The following PABPC4L variants were observed in gnomAD, a reference collection of about 807,000 sequenced individuals.
PABPC4L encodes polyadenylate-binding protein 4-like.
For missense variants in PABPC4L, 452 were observed against 451.4 expected (o/e 1.00, Z -0.01); for synonymous variants, 169 against 164.1 (o/e 1.03, Z -0.23).
the PABPC4L span, among the ~76,000 whole-genome samples, chr4:134,142,422 T>C: frequency 9.3e-4 from 141 of 151,740 alleles, 1 homozygote; most frequent in Admixed American, 7.5e-3. Flanking sequence ...GTGAAGAATA[T>C]GCATAAAAAT....
At chr4:134,036,163 A>G in the PABPC4L span, among the ~76,000 whole-genome samples, 1 of 152,114 alleles carries the variant, frequency 6.6e-6, no homozygotes, top group African/African-American at 2.4e-5. Flanking sequence ...AGATAATAAA[A>G]GTTTCTCAAT....
chr4:133,955,448 C>T, the PABPC4L span, among the ~76,000 whole-genome samples: 1 of 152,026 alleles, frequency 6.6e-6, no homozygotes, highest in African/African-American at 2.4e-5. Flanking sequence ...AAATTAAACA[C>T]TTAAGCTCTG....
At chr4:134,133,121 TA>T in the PABPC4L span, among the ~76,000 whole-genome samples, 44 of 16,490 alleles carry the variant, frequency 2.7e-3, no homozygotes, top group African/African-American at 0.027. Context: ...TATTATATAA[TA>T]TATCATATTA....
the PABPC4L span, among the ~76,000 whole-genome samples, chr4:134,113,385 TTATATCATA>T: frequency 2.0e-5 from 3 of 151,936 alleles, no homozygotes; most frequent in Admixed American, 1.3e-4. Context: ...ATTTTTTCTT[TTATATCATA>T]TTTTTACTCC....
At chr4:133,979,705 G>GT in the PABPC4L span, among the ~76,000 whole-genome samples, 1 of 152,052 alleles carries the variant, frequency 6.6e-6, no homozygotes, top group Non-Finnish European at 1.5e-5. Context: ...AAATCAATCA[G>GT]TTTTTTAGAG....
chr4:133,956,438 T>C, the PABPC4L span, among the ~76,000 whole-genome samples: 10 of 152,300 alleles, frequency 6.6e-5, no homozygotes, highest in East Asian at 1.9e-3. Context: ...GATGCTGTTT[T>C]TTTCTCTTTA....
At chr4:133,986,247 A>G in the PABPC4L span, among the ~76,000 whole-genome samples, 1 of 152,140 alleles carries the variant, frequency 6.6e-6, no homozygotes, top group Non-Finnish European at 1.5e-5. Flanking sequence ...TTTATAACAT[A>G]AACAACTTTT....
At chr4:134,140,721 T>C in the PABPC4L span, among the ~76,000 whole-genome samples, 1 of 151,838 alleles carries the variant, frequency 6.6e-6, no homozygotes, top group African/African-American at 2.4e-5. Context: ...AGATACAATA[T>C]GTATATGCTC....
the PABPC4L span, among the ~76,000 whole-genome samples, chr4:133,996,862 CATTGTCGACCCCCT>C: frequency 6.6e-6 from 1 of 151,928 alleles, no homozygotes; most frequent in Non-Finnish European, 1.5e-5. Context: ...AGGTAATTAA[CATTGTCGACCCCCT>C]AGTAGAGAGC....
chr4:134,110,780 C>T, the PABPC4L span, among the ~76,000 whole-genome samples: 5 of 151,876 alleles, frequency 3.3e-5, no homozygotes, highest in Non-Finnish European at 7.4e-5. Context: ...AATGTAAATG[C>T]TATGTAAATA....
At chr4:134,084,723 T>C in the PABPC4L span, among the ~76,000 whole-genome samples, 2 of 152,078 alleles carry the variant, frequency 1.3e-5, no homozygotes, top group Admixed American at 6.6e-5. Flanking sequence ...AAGACTGAAG[T>C]AATACACTTT....
At chr4:134,005,829 T>C in the PABPC4L span, among the ~76,000 whole-genome samples, 4 of 151,694 alleles carry the variant, frequency 2.6e-5, no homozygotes, top group South Asian at 4.2e-4. Flanking sequence ...GACATTTTAC[T>C]CGCCATCTGA....
chr4:134,174,664 G>A, the PABPC4L span, among the ~76,000 whole-genome samples: 1 of 152,064 alleles, frequency 6.6e-6, no homozygotes, highest in Non-Finnish European at 1.5e-5. Context: ...ATGCATGTGT[G>A]TATATATGTT....
At chr4:133,971,329 T>C in the PABPC4L span, among the ~76,000 whole-genome samples, 1 of 151,830 alleles carries the variant, frequency 6.6e-6, no homozygotes, top group Non-Finnish European at 1.5e-5. Flanking sequence ...GCCAGGATGG[T>C]CTCCATCTCC....
chr4:134,011,496 C>A, the PABPC4L span, among the ~76,000 whole-genome samples: 3 of 152,178 alleles, frequency 2.0e-5, no homozygotes, highest in Admixed American at 2.0e-4. Context: ...ATAATCTCAA[C>A]ATTTTCTTTT....
the PABPC4L span, among the ~76,000 whole-genome samples, chr4:134,054,257 TATATATA>T: frequency 8.2e-5 from 2 of 24,502 alleles, no homozygotes; most frequent in African/African-American, 6.1e-4. Context: ...TATATGTATA[TATATATA>T]TATATATATA....
the PABPC4L span, among the ~76,000 whole-genome samples, chr4:134,059,630 T>C: frequency 1.3e-5 from 2 of 150,810 alleles, no homozygotes; most frequent in African/African-American, 2.4e-5. Flanking sequence ...TAATCAGAAA[T>C]AGAACTATAG....
chr4:134,089,225 A>G, the PABPC4L span, among the ~76,000 whole-genome samples: 1 of 152,076 alleles, frequency 6.6e-6, no homozygotes, highest in African/African-American at 2.4e-5. Context: ...GAGATTTTAG[A>G]CTATTCTTTC....
the PABPC4L span, among the ~76,000 whole-genome samples, chr4:134,012,949 A>T: frequency 6.6e-6 from 1 of 152,094 alleles, no homozygotes; most frequent in Non-Finnish European, 1.5e-5. Context: ...GGCGCCGGTC[A>T]TGGACTGGAA....
Sources: gnomAD v4.1 joint callset for allele counts (sites outside exome capture counted in the v4.1 genomes callset) on GRCh38, gnomAD v4.1.1 for gene constraint, MANE v1.5 for transcripts, NCBI Gene and HGNC (gene_info 2026-07-23, HGNC 2026-07-21) for gene names.